Variants in RIMKLB observed in about 807,000 individuals in gnomAD.
RIMKLB encodes beta-citrylglutamate synthase B.
In RIMKLB, 7 loss-of-function variants were observed where a neutral mutation model predicts 32.0. The observed-to-expected ratio is 0.22, with a 90% confidence interval of 0.12 to 0.41. The LOEUF is 0.41. Ranked by LOEUF, RIMKLB falls within the 10% of genes least tolerant of loss-of-function variation. The pLI is 1.00. For synonymous variants in RIMKLB, 172 were observed against 185.1 expected, an observed-to-expected ratio of 0.93 and a Z score of 0.57; for missense variants, 289 against 498.7, an observed-to-expected ratio of 0.58 and a Z score of 4.00.
At chr12:8,763,255 T>C (rs1166420261) in intron 5 of RIMKLB, among the ~76,000 whole-genome samples, 4 of 152,238 alleles carry the variant, frequency 2.6e-5, no homozygotes, top group African/African-American at 7.2e-5. Context: ...CGGACCTGTG[T>C]AAGGACTCCT....
At chr12:8,779,933 GGTCA>G (rs1347762258), downstream of RIMKLB, 1 of 152,068 alleles carries the variant, frequency 6.6e-6, no homozygotes, top group Non-Finnish European at 1.5e-5. Flanking sequence ...GTGCATCTAT[GGTCA>G]GTCCTTTTTA....
At chr12:8,748,520 G>A (rs12824877) in intron 2 of RIMKLB, among the ~76,000 whole-genome samples, 1 of 23,116 alleles carries the variant, frequency 4.3e-5, no homozygotes, top group African/African-American at 1.3e-4. Flanking sequence ...GGGATTATTC[G>A]TGTGTGTGTG....
chr12:8,683,578 T>C (rs1322836482), intron 1 of RIMKLB, among the ~76,000 whole-genome samples: 1 of 152,220 alleles, frequency 6.6e-6, no homozygotes, highest in Non-Finnish European at 1.5e-5. Context: ...TTCAGATATT[T>C]TGCCCATTTT....
At chr12:8,705,334 G>T (rs559774990) in intron 1 of RIMKLB, among the ~76,000 whole-genome samples, 1 of 151,902 alleles carries the variant, frequency 6.6e-6, no homozygotes, top group African/African-American at 2.4e-5. Flanking sequence ...AAAATTAGCC[G>T]GGTGTGGTGG....
chr12:8,699,230 T>C (rs1371484879), intron 1 of RIMKLB, among the ~76,000 whole-genome samples: 2 of 152,338 alleles, frequency 1.3e-5, no homozygotes, highest in Admixed American at 6.5e-5. Flanking sequence ...TCTAAATAGG[T>C]ATAGAAAGTA....
chr12:8,765,482 T>G (rs1458202848), intron 5 of RIMKLB, among the ~76,000 whole-genome samples: 1 of 152,188 alleles, frequency 6.6e-6, no homozygotes, highest in African/African-American at 2.4e-5. Context: ...TGTTAGTGTC[T>G]GATTTAGCAG....
chr12:8,685,604 A>ATTATGATATTAAAGTATTATG (rs879913597), intron 1 of RIMKLB, among the ~76,000 whole-genome samples: 2,131 of 151,132 alleles, frequency 0.014, 40 homozygotes, highest in African/African-American at 0.045. Flanking sequence ...TATTTATGAC[A>ATTATGATATTAAAGTATTATG]GATACTTTAA....
chr12:8,680,539 G>C (rs1053714600), upstream of RIMKLB, among the ~76,000 whole-genome samples: 2 of 152,188 alleles, frequency 1.3e-5, no homozygotes, highest in African/African-American at 4.8e-5. Context: ...CTCTGTCTTT[G>C]GAGTAGCCAT....
chr12:8,764,539 G>C (rs1187651126), intron 5 of RIMKLB, among the ~76,000 whole-genome samples: 1 of 152,182 alleles, frequency 6.6e-6, no homozygotes, highest in Non-Finnish European at 1.5e-5. Context: ...TTGGAGGACC[G>C]TTGTCCGGGA....
chr12:8,769,243 C>T (rs927611362), intron 5 of RIMKLB, among the ~76,000 whole-genome samples: 2 of 152,006 alleles, frequency 1.3e-5, no homozygotes, highest in Non-Finnish European at 2.9e-5. Context: ...TCTTGACTTA[C>T]TAATGTTGTC....
At chr12:8,760,116 C>G (rs1949391949) in intron 5 of RIMKLB, among the ~76,000 whole-genome samples, 1 of 152,074 alleles carries the variant, frequency 6.6e-6, no homozygotes, top group Non-Finnish European at 1.5e-5. Flanking sequence ...CACAACAGGC[C>G]CCCGTGTGTG....
intron 5 of RIMKLB, among the ~76,000 whole-genome samples, chr12:8,771,919 C>T (rs978482163): frequency 6.6e-6 from 1 of 152,066 alleles, no homozygotes; most frequent in African/African-American, 2.4e-5. Context: ...GATGGAGTCT[C>T]GTTCTGTCGC....
chr12:8,729,660 C>T (rs778874621), intron 2 of RIMKLB, among the ~76,000 whole-genome samples: 1 of 152,262 alleles, frequency 6.6e-6, no homozygotes, highest in Admixed American at 6.5e-5. Flanking sequence ...GTTGGGCCCT[C>T]ACCAGGGATC....
At chr12:8,742,596 G>A in intron 2 of RIMKLB, 1 of 302,992 alleles carries the variant, frequency 3.3e-6, no homozygotes, top group Non-Finnish European at 6.4e-6. Context: ...AAGAGGACCT[G>A]GGAGAAGCTT....
At chr12:8,674,066 A>G in the RIMKLB span, among the ~76,000 whole-genome samples, 1 of 151,984 alleles carries the variant, frequency 6.6e-6, no homozygotes, top group Non-Finnish European at 1.5e-5. Context: ...TTTTACTGGG[A>G]AGAGTGGCAA....
At chr12:8,729,681 T>A (rs1565586936) in intron 2 of RIMKLB, among the ~76,000 whole-genome samples, 1 of 152,176 alleles carries the variant, frequency 6.6e-6, no homozygotes, top group Admixed American at 6.5e-5. Flanking sequence ...TGCCCTCTTT[T>A]GTCCAGAATT....
chr12:8,719,586 C>T (rs756789686), intron 2 of RIMKLB, among the ~76,000 whole-genome samples: 3 of 152,208 alleles, frequency 2.0e-5, no homozygotes, highest in Non-Finnish European at 4.4e-5. Flanking sequence ...CCAGGCTGGA[C>T]TCGAACTCCT....
At chr12:8,722,551 A>G (rs956277486) in intron 2 of RIMKLB, among the ~76,000 whole-genome samples, 13 of 152,222 alleles carry the variant, frequency 8.5e-5, no homozygotes, top group Non-Finnish European at 1.6e-4. Context: ...ATTGGTTTCA[A>G]CTTACAGTCA....
At chr12:8,770,259 G>A (rs938923137) in intron 5 of RIMKLB, among the ~76,000 whole-genome samples, 7 of 152,148 alleles carry the variant, frequency 4.6e-5, no homozygotes, top group African/African-American at 1.7e-4. Context: ...CACCGCGCCT[G>A]GCCTATTGTA....
Sources: allele counts gnomAD v4.1 joint callset (sites outside exome capture counted in the v4.1 genomes callset), GRCh38; gene constraint gnomAD v4.1.1; transcripts MANE v1.5; gene names NCBI Gene and HGNC (gene_info 2026-07-23, HGNC 2026-07-21).